SCAI: variants seen among roughly 807,000 people sequenced by gnomAD.
The protein encoded by SCAI is suppressor of cancer cell invasion.
Under a neutral mutation model 92.2 loss-of-function variants are expected in SCAI, and 24 were observed. The ratio of observed to expected loss-of-function variants is 0.26; its 90% CI spans 0.19 to 0.37. SCAI has a LOEUF of 0.37. SCAI is among the 10% of genes least tolerant of loss of function. The pLI, the probability that SCAI is intolerant of heterozygous loss-of-function variation, is 1.00. For missense variants in SCAI, 450 were observed against 736.2 expected, an observed-to-expected ratio of 0.61 and a Z score of 4.50; for synonymous variants, 261 against 258.6, an observed-to-expected ratio of 1.01 and a Z score of -0.09.
At chr9:125,112,126 G>A (rs1235139592) in intron 2 of SCAI, among the ~76,000 whole-genome samples, 1 of 152,036 alleles carries the variant, frequency 6.6e-6, no homozygotes, top group Non-Finnish European at 1.5e-5. Context: ...TAATTCCCTG[G>A]TATGGCATTC....
At chr9:125,023,601 C>T (rs556833890) in intron 6 of SCAI, among the ~76,000 whole-genome samples, 9 of 151,958 alleles carry the variant, frequency 5.9e-5, no homozygotes, top group Non-Finnish European at 1.2e-4. Flanking sequence ...ATATTTTAAG[C>T]TTTGCAGGCC....
At chr9:125,122,963 T>A (rs561058580) in intron 2 of SCAI, among the ~76,000 whole-genome samples, 1 of 152,346 alleles carries the variant, frequency 6.6e-6, no homozygotes, top group South Asian at 2.1e-4. Flanking sequence ...TAGATGCATA[T>A]TCCTATTTTA....
At chr9:125,092,456 A>G (rs1468755995) in intron 2 of SCAI, among the ~76,000 whole-genome samples, 2 of 152,164 alleles carry the variant, frequency 1.3e-5, no homozygotes, top group African/African-American at 4.8e-5. Context: ...CTGTCAAACA[A>G]CAACAACAAC....
At chr9:125,108,065 C>A (rs949966767) in intron 2 of SCAI, among the ~76,000 whole-genome samples, 3 of 151,968 alleles carry the variant, frequency 2.0e-5, no homozygotes, top group African/African-American at 7.3e-5. Flanking sequence ...AGCTCCTAAC[C>A]GCGAGTGATC....
chr9:125,138,402 T>C (rs1280519509), intron 2 of SCAI, among the ~76,000 whole-genome samples: 1 of 151,332 alleles, frequency 6.6e-6, no homozygotes, highest in African/African-American at 2.4e-5. Flanking sequence ...ATTACAGACA[T>C]GCGCTACCAC....
chr9:124,966,468 T>G lies in SCAI; in HGVS notation c.1674+4902A>C, dbSNP rs117874002. Among the ~76,000 whole-genome samples the G allele has an allele frequency of 5.9e-5, 9 of 152,294 alleles. No individual in the cohort carries two copies. The East Asian group carries it at 1.7e-3, about 29-fold the overall frequency. ...ATTGCATCATTACTTTTGTTTACAC[T>G]TCTCTGGACTGTGAATGGTACCATA... On this transcript the variant is annotated intron_variant, in intron 17 of 17. Coordinates refer to ENST00000336505, the MANE Select transcript of SCAI (RefSeq NM_001144877.3).
chr9:124,971,550 G>A lies in SCAI; in HGVS notation c.1574-80C>T, dbSNP rs927087267. The stretch of plus-strand genomic sequence containing the variant: ...CAAAGGGGAAGGAAACTTCAGGAAA[G>A]CGTTCTCAACTTTCCTGCCTGGGAC... On this transcript the variant is annotated intron_variant, in intron 16 of 17. Coordinates refer to ENST00000336505, the MANE Select transcript of SCAI (RefSeq NM_001144877.3). 11 of 1,414,578 alleles carry A rather than the reference G, an allele frequency of 7.8e-6. No homozygotes were observed. The African/African-American group carries it at 1.6e-4, about 20-fold the overall frequency. 87.6% of individuals were successfully genotyped at this position (1,414,578 alleles called of 1,614,324 possible).
At chr9:125,104,938 A>T (rs1834746199) in intron 2 of SCAI, among the ~76,000 whole-genome samples, 1 of 151,184 alleles carries the variant, frequency 6.6e-6, no homozygotes, top group Admixed American at 6.6e-5. Flanking sequence ...AGCCTGGGTA[A>T]CAGAGCAAGA....
intron 3 of SCAI, among the ~76,000 whole-genome samples, chr9:125,055,172 CTT>C (rs1347616316): frequency 6.6e-6 from 1 of 152,048 alleles, no homozygotes; most frequent in Non-Finnish European, 1.5e-5. Context: ...TTTAAAATAA[CTT>C]AGTATCTTTA....
chr9:125,064,424 T>C (rs1316089858), intron 2 of SCAI, among the ~76,000 whole-genome samples: 1 of 151,968 alleles, frequency 6.6e-6, no homozygotes, highest in African/African-American at 2.4e-5. Flanking sequence ...CTCAAATAAA[T>C]AAGTAAATAA....
intron 14 of SCAI, among the ~76,000 whole-genome samples, chr9:124,988,605 A>G (rs148402315): frequency 1.1e-3 from 160 of 152,270 alleles, no homozygotes; most frequent in Non-Finnish European, 1.8e-3. Flanking sequence ...AATCTCAATA[A>G]AAGGCTTAGA....
At chr9:125,030,441 C>T (rs561463851) in intron 3 of SCAI, among the ~76,000 whole-genome samples, 10 of 152,306 alleles carry the variant, frequency 6.6e-5, no homozygotes, top group Admixed American at 5.2e-4. Flanking sequence ...TTTAACAGTG[C>T]CCCAAAACCA....
At chr9:125,092,870 C>T (rs1011895060) in intron 2 of SCAI, among the ~76,000 whole-genome samples, 1 of 152,218 alleles carries the variant, frequency 6.6e-6, no homozygotes, top group Non-Finnish European at 1.5e-5. Flanking sequence ...TCCCATTCAT[C>T]CCCCATTCTC....
chr9:124,972,419 G>A (rs1361665727), intron 15 of SCAI, among the ~76,000 whole-genome samples: 1 of 152,120 alleles, frequency 6.6e-6, no homozygotes, highest in Non-Finnish European at 1.5e-5. Flanking sequence ...AACGTGACTA[G>A]ATGAGTAAAA....
intron 17 of SCAI, among the ~76,000 whole-genome samples, chr9:124,961,453 C>T (rs1300993044): frequency 6.6e-6 from 1 of 151,632 alleles, no homozygotes; most frequent in Non-Finnish European, 1.5e-5. Flanking sequence ...AGTTCGAGAC[C>T]AGCCTGGCCA....
At chr9:125,089,374 A>G (rs940184742) in intron 2 of SCAI, among the ~76,000 whole-genome samples, 4 of 152,238 alleles carry the variant, frequency 2.6e-5, no homozygotes, top group African/African-American at 7.2e-5. Flanking sequence ...AAAAGGTTAT[A>G]CAATTCAATC....
chr9:125,116,054 A>G (rs10819031), intron 2 of SCAI, among the ~76,000 whole-genome samples: 65,860 of 151,976 alleles, frequency 0.43, 14,674 homozygotes, highest in East Asian at 0.53. Context: ...TTAGCCGAGC[A>G]TGGTGGCACA....
Position 125,004,750 on chromosome 9 carries a change from TATATATATATATATATATATATA to T in SCAI, c.862-1203_862-1181del, listed in dbSNP as rs1832443579. ...ACTGTGATCCATATATATATATATA[TATATATATATATATATATATATA>T]TATATATTTTTTTTTTTTTTTTTTT... On this transcript the variant is annotated intron_variant, in intron 9 of 17. Coordinates refer to ENST00000336505, the MANE Select transcript of SCAI (RefSeq NM_001144877.3). Among the ~76,000 whole-genome samples, 45 of 14,954 alleles carry T rather than the reference TATATATATATATATATATATATA, an allele frequency of 3.0e-3. 1 individual carries two copies. The highest frequency in any genetic ancestry group is 0.01 in the South Asian group (3 of 292). The allele number at this position is 14,954 out of a possible 152,430, so 9.8% of individuals were successfully genotyped here. A position where few individuals can be genotyped will look rare whatever the true frequency, so the allele number is the denominator to read the frequency against.
At chr9:125,039,539 A>G (rs1833277268) in intron 3 of SCAI, among the ~76,000 whole-genome samples, 1 of 152,156 alleles carries the variant, frequency 6.6e-6, no homozygotes, top group African/African-American at 2.4e-5. Flanking sequence ...CCACTTCAAA[A>G]CTTAGAAGCT....
Sources: gnomAD v4.1 joint callset for allele counts (sites outside exome capture counted in the v4.1 genomes callset) on GRCh38, gnomAD v4.1.1 for gene constraint, MANE v1.5 for transcripts, NCBI Gene and HGNC (gene_info 2026-07-23, HGNC 2026-07-21) for gene names.